CCDC12: variants seen among roughly 807,000 people sequenced by gnomAD.
CCDC12 encodes the protein coiled-coil domain-containing protein 12.
Under a neutral mutation model 25.7 loss-of-function variants are expected in CCDC12, and 28 were observed. That is an observed-to-expected ratio of 1.09 (90% CI 0.81 to 1.50). CCDC12 has a LOEUF of 1.50. CCDC12 is among the 40% of genes most tolerant of loss of function. CCDC12 has a pLI of 0.00. For missense variants in CCDC12, 198 were observed against 210.0 expected (o/e 0.94, Z 0.35); for synonymous variants, 75 against 87.7 (o/e 0.86, Z 0.81).
At chr3:46,976,612 G>A (rs1248009572) in intron 1 of CCDC12, 25 bp downstream of exon 1, 2 of 1,601,178 alleles carry the variant, frequency 1.2e-6, no homozygotes, top group African/African-American at 2.7e-5. Flanking sequence ...CGCCTCAACT[G>A]CGACCCTCAC....
intron 3 of CCDC12, chr3:46,925,018 C>T: frequency 2.9e-6 from 1 of 347,394 alleles, no homozygotes; most frequent in East Asian, 7.6e-5. Context: ...CTCTCCCCTG[C>T]CTCAGTGCTC....
At chr3:46,951,798 A>AAAAAAAATATATATATATAT in intron 1 of CCDC12, among the ~76,000 whole-genome samples, 1 of 8,474 alleles carries the variant, frequency 1.2e-4, no homozygotes, top group African/African-American at 2.5e-4. Context: ...AAAAAAAAAA[A>AAAAAAAATATATATATATAT]ATATATATAT....
rs866358955 is a variant in CCDC12 at position 46,937,160 on chromosome 3, C to T, written c.164+3838G>A. On this transcript the variant is annotated intron_variant, in intron 2 of 6. Coordinates refer to ENST00000683445, the MANE Select transcript of CCDC12 (RefSeq NM_001277074.2). ...GGTGAGGGGGTCAGACTGGAAGGGG[C>T]CCCCAGGGACACTGTGTAAAGGAGA... Among the ~76,000 whole-genome samples the T allele has an allele frequency of 3.3e-5, 5 of 152,104 alleles. 1 individual carries two copies. The highest frequency in any genetic ancestry group is 6.5e-5 in the Admixed American group (1 of 15,278).
At chr3:46,964,966 T>A (rs2034596581) in intron 1 of CCDC12, among the ~76,000 whole-genome samples, 1 of 151,262 alleles carries the variant, frequency 6.6e-6, no homozygotes. Context: ...TAAAATAAAA[T>A]AAATAAAATA....
chr3:46,946,155 C>T (rs1020827162), intron 1 of CCDC12, among the ~76,000 whole-genome samples: 1 of 152,204 alleles, frequency 6.6e-6, no homozygotes, highest in Non-Finnish European at 1.5e-5. Context: ...CCTCCTCTTG[C>T]CCCTTCCCAC....
chr3:46,978,723 C>A (rs1337017111), upstream of CCDC12, among the ~76,000 whole-genome samples: 2 of 152,120 alleles, frequency 1.3e-5, no homozygotes. Flanking sequence ...GTGGCTCATG[C>A]CTATAATCCC....
intron 1 of CCDC12, among the ~76,000 whole-genome samples, chr3:46,947,689 G>C (rs1479898005): frequency 6.6e-6 from 1 of 152,194 alleles, no homozygotes; most frequent in Non-Finnish European, 1.5e-5. Flanking sequence ...TCTATCTGCT[G>C]ACCAGACCAA....
rs1433727599 is a variant in CCDC12 at position 46,973,483 on chromosome 3, G to A, written c.96+3154C>T. On this transcript the variant is annotated intron_variant, in intron 1 of 6. Coordinates refer to ENST00000683445, the MANE Select transcript of CCDC12 (RefSeq NM_001277074.2). ...GCATTCCAGCCTGGGCAACAAGAGCGAAACTCCATCTCAAAAAAAAAAAAA... is the reference window on the plus strand; with the variant it reads ...GCATTCCAGCCTGGGCAACAAGAGCAAAACTCCATCTCAAAAAAAAAAAAA... Among the ~76,000 whole-genome samples the A allele has an allele frequency of 5.5e-5, 8 of 145,220 alleles. No homozygotes were observed. In the South Asian group the frequency reaches 8.7e-4, roughly 16 times the overall value.
chr3:46,961,902 C>T (rs1013181473), intron 1 of CCDC12, among the ~76,000 whole-genome samples: 8 of 152,268 alleles, frequency 5.3e-5, no homozygotes, highest in Admixed American at 4.6e-4. Context: ...AGTGCCAAGT[C>T]ACTGATACCC....
intron 1 of CCDC12, 145 bp downstream of exon 1, chr3:46,976,492 G>A (rs1389367537): frequency 6.3e-6 from 9 of 1,434,312 alleles, no homozygotes; most frequent in Non-Finnish European, 8.2e-6. Context: ...GTGGGAGGGC[G>A]CCGTCTTCTC....
At chr3:46,975,745 A>G (rs1268747478) in intron 1 of CCDC12, among the ~76,000 whole-genome samples, 1 of 147,632 alleles carries the variant, frequency 6.8e-6, no homozygotes, top group East Asian at 2.0e-4. Context: ...GTTAGCCAGG[A>G]TGGTCTCGAT....
In CCDC12 at chr3:46,976,656, C is replaced by T. The variant is rs758416981; in HGVS notation, c.77G>A (p.Arg26Gln). Residue 26 changes from arginine to glutamine, a missense_variant, in exon 1 of 7, where the codon CGG (arginine) becomes CAG (glutamine). Physicochemically the swap from Arg to Gln is conservative, Grantham distance 43. Coordinates refer to ENST00000683445, the MANE Select transcript of CCDC12 (RefSeq NM_001277074.2). ...LRRKERLKAL[R>Q]EKTGRKDKED... Reference sequence around the variant, plus strand: ...TCTCACCTTGCGCCCGGTTTTCTCCCGTAGGGCCTTCAGCCGTTCCTTTCG... The same window carrying T: ...TCTCACCTTGCGCCCGGTTTTCTCCTGTAGGGCCTTCAGCCGTTCCTTTCG... 3.1e-6 allele frequency: 5 copies of T among 1,611,204 alleles called. No individual in the cohort carries two copies. The Admixed American group carries it at 5.0e-5, about 16-fold the overall frequency.
Position 46,941,036 on chromosome 3 carries a change from C to G in CCDC12, c.126G>C (p.Lys42Asn). The change falls in exon 2 of 7, where the codon AAG becomes AAC. Residue 42 changes from lysine (K) to asparagine (N), a missense_variant. Coordinates refer to ENST00000683445, the MANE Select transcript of CCDC12 (RefSeq NM_001277074.2). ...CTTCTTCCTCCTCTTCTCTGAGATG[C>G]TTGGTCTTTGGCTCCCCATCTTCCT... ...KDKEDGEPKT[K>N]HLREEEEEGE... is the part of the protein sequence containing the mutation. 1 of 1,614,184 alleles carries G rather than the reference C, an allele frequency of 6.2e-7. No homozygotes were observed. The highest frequency in any genetic ancestry group is 8.5e-7 in the Non-Finnish European group (1 of 1,180,026).
intron 1 of CCDC12, among the ~76,000 whole-genome samples, chr3:46,942,700 C>A (rs939111654): frequency 6.6e-6 from 1 of 152,174 alleles, no homozygotes; most frequent in Non-Finnish European, 1.5e-5. Flanking sequence ...ACATGCCCCC[C>A]ACCCCAACTC....
upstream of CCDC12, among the ~76,000 whole-genome samples, chr3:46,978,961 C>T (rs2035113531): frequency 1.3e-5 from 2 of 152,030 alleles, no homozygotes; most frequent in Non-Finnish European, 2.9e-5. Context: ...CCAGCCTGGG[C>T]GACAGAGTGA....
upstream of CCDC12, chr3:46,979,927 CCCCGCG>C: frequency 2.7e-6 from 1 of 376,846 alleles, no homozygotes; most frequent in African/African-American, 2.1e-5. Flanking sequence ...GCCCGCCCCG[CCCCGCG>C]CCCGCACCCG....
intron 1 of CCDC12, among the ~76,000 whole-genome samples, chr3:46,943,990 T>C (rs1268939096): frequency 2.0e-5 from 3 of 151,972 alleles, no homozygotes; most frequent in African/African-American, 4.8e-5. Context: ...GGAAGGAAAA[T>C]CGCTTTTGGT....
chr3:46,964,150 GTC>G (rs1167792814), intron 1 of CCDC12, among the ~76,000 whole-genome samples: 3 of 146,670 alleles, frequency 2.0e-5, no homozygotes, highest in African/African-American at 7.6e-5. Flanking sequence ...CGGCCGCCCC[GTC>G]TGAGAAGTGA....
intron 1 of CCDC12, among the ~76,000 whole-genome samples, chr3:46,951,994 T>C (rs2034146750): frequency 6.6e-6 from 1 of 150,998 alleles, no homozygotes; most frequent in Admixed American, 6.6e-5. Context: ...CACATTCTCC[T>C]GTGTGGGCCA....
Sources: gnomAD v4.1 joint callset for allele counts (sites outside exome capture counted in the v4.1 genomes callset) on GRCh38, gnomAD v4.1.1 for gene constraint, MANE v1.5 for transcripts, NCBI Gene and HGNC (gene_info 2026-07-23, HGNC 2026-07-21) for gene names.